PIP5K1B: variants seen among roughly 807,000 people sequenced by gnomAD.
The protein encoded by PIP5K1B is phosphatidylinositol 4-phosphate 5-kinase type-1 beta.
Under a neutral mutation model 67.0 loss-of-function variants are expected in PIP5K1B, and 42 were observed. That is an observed-to-expected ratio of 0.63 (90% CI 0.49 to 0.81). The LOEUF (loss-of-function observed/expected upper bound fraction) is 0.81, where lower values mean the gene tolerates loss of function less well. Ranked by LOEUF, PIP5K1B falls within the 30% of genes least tolerant of loss-of-function variation. The probability of loss-of-function intolerance (pLI) is 0.00; values close to 1 mark genes in which losing one functional copy is unlikely to be tolerated. For synonymous variants in PIP5K1B, 214 were observed against 231.4 expected (o/e 0.92, Z 0.68); for missense variants, 459 against 646.3 (o/e 0.71, Z 3.14).
chr9:68,990,249 T>C (rs1244307740), intron 14 of PIP5K1B, among the ~76,000 whole-genome samples: 1 of 152,148 alleles, frequency 6.6e-6, no homozygotes, highest in Non-Finnish European at 1.5e-5. Context: ...ACCTGGGAAC[T>C]TGTCAGAAAT....
At chr9:68,901,458 C>T (rs749376204) in intron 8 of PIP5K1B, among the ~76,000 whole-genome samples, 3 of 152,058 alleles carry the variant, frequency 2.0e-5, no homozygotes, top group Non-Finnish European at 2.9e-5. Context: ...AAGGTTTCAC[C>T]ATGTTGGCCA....
intron 14 of PIP5K1B, chr9:68,963,989 A>G (rs1828888670): frequency 6.6e-6 from 1 of 152,218 alleles, no homozygotes; most frequent in Non-Finnish European, 1.5e-5. Context: ...GACGTTTTGT[A>G]AAGCTACTTA....
intron 2 of PIP5K1B, chr9:68,789,027 C>G (rs963819607): frequency 2.5e-6 from 1 of 405,850 alleles, no homozygotes; most frequent in African/African-American, 2.1e-5. Flanking sequence ...GCATTCCAAT[C>G]AGCTTGATAC....
At chr9:68,825,935 G>T (rs961093312) in intron 4 of PIP5K1B, among the ~76,000 whole-genome samples, 4 of 152,190 alleles carry the variant, frequency 2.6e-5, no homozygotes, top group African/African-American at 9.7e-5. Context: ...AACACTCAGT[G>T]TTCATGGGAC....
chr9:68,718,651 A>C (rs1162349215), intron 1 of PIP5K1B, among the ~76,000 whole-genome samples: 1 of 152,202 alleles, frequency 6.6e-6, no homozygotes, highest in Non-Finnish European at 1.5e-5. Flanking sequence ...TTTGTATAGA[A>C]AATTTTCCCA....
intron 1 of PIP5K1B, chr9:68,707,890 A>G (rs1434252609): frequency 6.6e-6 from 1 of 152,190 alleles, no homozygotes; most frequent in Non-Finnish European, 1.5e-5. Flanking sequence ...TCTCACATAT[A>G]AAACAAAACG....
chr9:68,837,392 A>G (rs933335475), intron 4 of PIP5K1B, among the ~76,000 whole-genome samples: 1 of 152,228 alleles, frequency 6.6e-6, no homozygotes, highest in Non-Finnish European at 1.5e-5. Flanking sequence ...ATGTTTTAAC[A>G]GCTAGATAGG....
chr9:68,853,265 G>A (rs1822587108), intron 4 of PIP5K1B, among the ~76,000 whole-genome samples: 1 of 152,204 alleles, frequency 6.6e-6, no homozygotes, highest in Non-Finnish European at 1.5e-5. Flanking sequence ...AAGTTCAGGT[G>A]CCAGCCTGCC....
chr9:68,902,011 C>A (rs1825386914), intron 8 of PIP5K1B, among the ~76,000 whole-genome samples: 2 of 152,206 alleles, frequency 1.3e-5, no homozygotes, highest in Admixed American at 6.5e-5. Flanking sequence ...CTCAGTTTCC[C>A]CCAGTGGTAA....
chr9:68,944,032 T>A (rs908058955), intron 14 of PIP5K1B, among the ~76,000 whole-genome samples: 13 of 152,086 alleles, frequency 8.5e-5, no homozygotes, highest in Admixed American at 7.2e-4. Flanking sequence ...CTCCAAAAAT[T>A]GGCTAGGAAG....
At chr9:68,721,317 C>T (rs1827871486) in intron 1 of PIP5K1B, among the ~76,000 whole-genome samples, 1 of 152,038 alleles carries the variant, frequency 6.6e-6, no homozygotes, top group African/African-American at 2.4e-5. Context: ...TGAAAAGGAC[C>T]TGAAGTAATG....
At chr9:68,770,378 C>T (rs543501543) in intron 2 of PIP5K1B, among the ~76,000 whole-genome samples, 1 of 152,300 alleles carries the variant, frequency 6.6e-6, no homozygotes, top group African/African-American at 2.4e-5. Context: ...CTTTTCCTGC[C>T]TTTTGCCACC....
intron 1 of PIP5K1B, among the ~76,000 whole-genome samples, chr9:68,718,925 C>A (rs893582556): frequency 6.6e-6 from 1 of 152,048 alleles, no homozygotes; most frequent in African/African-American, 2.4e-5. Context: ...ATTTTGGGAA[C>A]CAGATAACCA....
chr9:68,719,382 A>G (rs2132257802), intron 1 of PIP5K1B, among the ~76,000 whole-genome samples: 1 of 152,332 alleles, frequency 6.6e-6, no homozygotes, highest in South Asian at 2.1e-4. Context: ...AAAGTTCCCC[A>G]GATTTTCCTG....
At chr9:68,772,035 T>C (rs980730775) in intron 2 of PIP5K1B, among the ~76,000 whole-genome samples, 4 of 152,222 alleles carry the variant, frequency 2.6e-5, no homozygotes, top group Admixed American at 6.5e-5. Context: ...AACTGCCCGC[T>C]TTCTCCATAA....
intron 15 of PIP5K1B, among the ~76,000 whole-genome samples, chr9:68,991,981 G>T (rs545078901): frequency 5.3e-5 from 8 of 151,984 alleles, no homozygotes; most frequent in Non-Finnish European, 7.4e-5. Flanking sequence ...TTTTTTTGGG[G>T]GGGGGCAGAG....
rs143940186 is a variant in PIP5K1B, at chr9:68,795,150, T to TGA, written c.-85-23295_-85-23294dup. Among the ~76,000 whole-genome samples the TGA allele has an allele frequency of 4.8e-3, 716 of 150,272 alleles. 5 individuals are homozygous for TGA. Among genetic ancestry groups the TGA allele is most frequent in the African/African-American group, 0.016 (643 of 41,114 alleles). On this transcript the variant is annotated intron_variant, in intron 2 of 15. Transcript: ENST00000265382. ...CTGTACTCCTTACTTTGTGTGTGTG[T>TGA]GAGAGAGAGAGAGAGAGCGTGTGTG...
At chr9:68,733,935 G>T (rs1319155802) in intron 1 of PIP5K1B, among the ~76,000 whole-genome samples, 1 of 152,084 alleles carries the variant, frequency 6.6e-6, no homozygotes, top group Non-Finnish European at 1.5e-5. Flanking sequence ...ACTGTGCCCG[G>T]CAATACTTAG....
intron 2 of PIP5K1B, among the ~76,000 whole-genome samples, chr9:68,749,792 G>C (rs1587385034): frequency 6.6e-6 from 1 of 152,282 alleles, no homozygotes; most frequent in African/African-American, 2.4e-5. Context: ...CTATCCACTA[G>C]ATGCCAGTAG....
Sources: gnomAD v4.1 joint callset for allele counts (sites outside exome capture counted in the v4.1 genomes callset) on GRCh38, gnomAD v4.1.1 for gene constraint, MANE v1.5 for transcripts, NCBI Gene and HGNC (gene_info 2026-07-23, HGNC 2026-07-21) for gene names.